Variants in MYO15B observed in about 807,000 individuals in gnomAD.
The protein encoded by MYO15B is myosin XVB.
In MYO15B, 207 loss-of-function variants were observed where a neutral mutation model predicts 119.3. That is an observed-to-expected ratio of 1.73 (90% CI 1.55 to 1.95). MYO15B has a LOEUF of 1.95. Ranked by LOEUF, MYO15B falls within the 30% of genes most tolerant of loss-of-function variation. The pLI, the probability that MYO15B is intolerant of heterozygous loss-of-function variation, is 0.00. For missense variants in MYO15B, 2,264 were observed against 1,203.1 expected, an observed-to-expected ratio of 1.88 and a Z score of -13.04; for synonymous variants, 966 against 498.9, an observed-to-expected ratio of 1.94 and a Z score of -12.48.
chr17:75,596,477 C>T lies in MYO15B; in HGVS notation c.3315C>T (p.Gly1105=), dbSNP rs144424300. ...GCCCCCAGGCCCTGCGGGTGAATGG[C>T]CTGGAGCAACTGTGCAACAACCTCG... is the stretch of plus-strand genomic sequence containing the variant. The change falls in exon 13 of 64, where the codon GGC becomes GGT. Residue 1105 remains glycine, a synonymous_variant. Coordinates refer to ENST00000645453, the Ensembl canonical transcript of MYO15B. The T allele has an allele frequency of 5.7e-6, 4 of 701,300 alleles. No individual in the cohort carries two copies. In the East Asian group the frequency reaches 8.0e-5, roughly 14 times the overall value. 43.4% of individuals were successfully genotyped at this position (701,300 alleles called of 1,614,324 possible).
intron 9 of MYO15B, among the ~76,000 whole-genome samples, chr17:75,593,425 C>T (rs1311967111): frequency 6.6e-6 from 1 of 152,032 alleles, no homozygotes. Flanking sequence ...TGCTGAAACC[C>T]TGTCTCTACT....
intron 6 of MYO15B, 41 bp downstream of exon 6, chr17:75,592,121 C>T (rs1435672448): frequency 5.7e-6 from 4 of 702,272 alleles, no homozygotes; most frequent in Admixed American, 4.0e-5. Context: ...AATCACTTAC[C>T]CTTCCTGGGT....
At chr17:75,613,329 G>A (rs903850604) in exon 28 of MYO15B, 44 of 675,010 alleles carry the variant, frequency 6.5e-5, no homozygotes, top group Non-Finnish European at 1.0e-4. Context: ...GCATGGCAGC[G>A]CTGTGCCAGC....
chr17:75,601,489 C>T (rs1272916104), exon 15 of MYO15B: 2 of 703,124 alleles, frequency 2.8e-6, no homozygotes. Context: ...TGGTGACCAC[C>T]CCAGCTATGC....
In MYO15B at chr17:75,589,661, A is replaced by G. The variant is rs942813553; in HGVS notation, c.1604A>G (p.Glu535Gly). The G allele has an allele frequency of 5.0e-6, 2 of 398,816 alleles. No homozygotes were observed. Among genetic ancestry groups the G allele is most frequent in the African/African-American group, 4.1e-5 (2 of 48,624 alleles). The allele number at this position is 398,816 out of a possible 1,614,324, so 24.7% of individuals were successfully genotyped here. ...GTCCCCGGCGACCCTTTTGATCAGGAGGACGAGACTCCAGATCCCAAGTTC... is the reference window on the plus strand; with the variant it reads ...GTCCCCGGCGACCCTTTTGATCAGGGGGACGAGACTCCAGATCCCAAGTTC... Residue 535 changes from glutamate (E) to glycine (G), a missense_variant, in exon 1 of 64, where the codon GAG (glutamate) becomes GGG (glycine). Transcript: ENST00000645453. The surrounding 1 kb of genome is among the most constrained non-coding windows in gnomAD (Gnocchi z 4.2).
intron 60 of MYO15B, 134 bp downstream of exon 60, chr17:75,625,372 C>T (rs2058979617): frequency 3.1e-6 from 2 of 642,178 alleles, no homozygotes; most frequent in Admixed American, 2.2e-5. Context: ...CTCTCCACCC[C>T]ACCCCGAGCT....
At chr17:75,597,931 A>T (rs1269019493) in intron 14 of MYO15B, among the ~76,000 whole-genome samples, 1 of 151,654 alleles carries the variant, frequency 6.6e-6, no homozygotes, top group Non-Finnish European at 1.5e-5. Flanking sequence ...AATTAATTAT[A>T]AAAAAACAAA....
At chr17:75,624,440 C>G (rs753030624) in exon 57 of MYO15B, 5 of 702,730 alleles carry the variant, frequency 7.1e-6, no homozygotes, top group Non-Finnish European at 1.0e-5. Flanking sequence ...AATATCCAGA[C>G]TTTCACAGTG....
At chr17:75,607,016 G>A in intron 21 of MYO15B, 1 of 398,522 alleles carries the variant, frequency 2.5e-6, no homozygotes, top group Non-Finnish European at 4.4e-6. Flanking sequence ...GACAGAGCTG[G>A]GGATGCCAGA....
Position 75,613,223 on chromosome 17 carries a change from GAGGTGGGGACCTGGC to G in MYO15B, c.4967+23_4967+37del. The G allele has an allele frequency of 1.5e-6, 1 of 684,626 alleles. No individual in the cohort carries two copies. Among genetic ancestry groups the G allele is most frequent in the Non-Finnish European group, 2.7e-6 (1 of 370,724 alleles). 42.4% of individuals were successfully genotyped at this position (684,626 alleles called of 1,614,324 possible). Reference sequence around the variant, plus strand: ...GCCACTGCTCAAGTAAGGGGCCTGGGAGGTGGGGACCTGGCAGGTGGGGTCGCTGGATCACCCTGC... The same window carrying G: ...GCCACTGCTCAAGTAAGGGGCCTGGGAGGTGGGGTCGCTGGATCACCCTGC... On this transcript the variant is annotated intron_variant, in intron 27 of 63. Coordinates refer to ENST00000645453, the Ensembl canonical transcript of MYO15B.
exon 14 of MYO15B, chr17:75,596,800 G>C: frequency 1.4e-6 from 1 of 702,278 alleles, no homozygotes; most frequent in Non-Finnish European, 2.6e-6. Flanking sequence ...TGTCCTGGGT[G>C]CCTGTCCCTC....
At chr17:75,610,819 C>T in intron 22 of MYO15B, 81 bp from the exon 23 acceptor site, 1 of 700,534 alleles carries the variant, frequency 1.4e-6, no homozygotes, top group Non-Finnish European at 2.6e-6. Flanking sequence ...CAGGAGGGGA[C>T]AGCTGAACTT....
chr17:75,609,585 CCTCAGG>C (rs2057879060), intron 21 of MYO15B, among the ~76,000 whole-genome samples: 2 of 148,318 alleles, frequency 1.3e-5, no homozygotes, highest in South Asian at 4.3e-4. Context: ...GATCTTAATC[CCTCAGG>C]CTAAACAGTC....
exon 60 of MYO15B, chr17:75,625,191 G>A (rs1568239525): frequency 1.4e-6 from 1 of 702,604 alleles, no homozygotes; most frequent in South Asian, 1.5e-5. Context: ...TCGCCAGGCT[G>A]GCCGCCCTGC....
chr17:75,620,409 G>A (rs1279251202), intron 48 of MYO15B, 52 bp downstream of exon 48: 1 of 702,798 alleles, frequency 1.4e-6, no homozygotes, highest in African/African-American at 1.7e-5. Flanking sequence ...CCACTTGGCA[G>A]AGGCTGCCCG....
Position 75,589,108 on chromosome 17 carries a change from G to T in MYO15B, c.1051G>T (p.Ala351Ser), listed in dbSNP as rs1171089828. The change falls in exon 1 of 64, where the codon GCC becomes TCC. Residue 351 changes from alanine to serine, a missense_variant. Coordinates refer to ENST00000645453, the Ensembl canonical transcript of MYO15B. This position sits in a 1 kb window ranked among gnomAD's most constrained non-coding sequence, Gnocchi z 4.2. ...GCTCCTCGCGAGGCCCCCGCCAGGCGCCGCTTCCCAGGCCGTGGGCCCCCG... is the reference window on the plus strand; with the variant it reads ...GCTCCTCGCGAGGCCCCCGCCAGGCTCCGCTTCCCAGGCCGTGGGCCCCCG... 5.1e-6 allele frequency: 2 copies of T among 392,286 alleles called. No homozygotes were observed. The highest frequency in any genetic ancestry group is 9.0e-6 in the Non-Finnish European group (2 of 222,016). 24.3% of individuals were successfully genotyped at this position (392,286 alleles called of 1,614,324 possible).
intron 21 of MYO15B, among the ~76,000 whole-genome samples, chr17:75,609,688 C>A (rs1345843624): frequency 6.8e-6 from 1 of 147,340 alleles, no homozygotes; most frequent in East Asian, 2.0e-4. Flanking sequence ...CCTTCCCTTC[C>A]TTCCTTCCTC....
At position 75,589,688 on chromosome 17, in the gene MYO15B, C is replaced by A. The variant is rs2056316540; in HGVS notation, c.1631C>A (p.Ala544Glu). 1 of 398,808 alleles carries A rather than the reference C, an allele frequency of 2.5e-6. No individual in the cohort carries two copies. Among genetic ancestry groups the A allele is most frequent in the African/African-American group, 2.1e-5 (1 of 48,744 alleles). The allele number at this position is 398,808 out of a possible 1,614,324, so 24.7% of individuals were successfully genotyped here. A position where few individuals can be genotyped will look rare whatever the true frequency, so the allele number is the denominator to read the frequency against. The change falls in exon 1 of 64, where the codon GCG becomes GAG. Residue 544 changes from alanine to glutamate, a missense_variant. Physicochemically the swap from Ala to Glu is moderately radical, Grantham distance 107. Transcript: ENST00000645453. The surrounding 1 kb of genome is among the most constrained non-coding windows in gnomAD (Gnocchi z 4.2). ...GACGAGACTCCAGATCCCAAGTTCG[C>A]GGTCGTGTTCCCCAGGATCCACAGG...
chr17:75,609,205 T>C (rs1292326008), intron 21 of MYO15B, among the ~76,000 whole-genome samples: 1 of 151,244 alleles, frequency 6.6e-6, no homozygotes, highest in Non-Finnish European at 1.5e-5. Flanking sequence ...TAAGTTCTGC[T>C]GCTCTTTTTT....
Sources: allele counts gnomAD v4.1 joint callset (sites outside exome capture counted in the v4.1 genomes callset), GRCh38; gene constraint gnomAD v4.1.1; non-coding constraint Gnocchi (gnomAD v3.1); transcripts MANE v1.5; gene names NCBI Gene and HGNC (gene_info 2026-07-23, HGNC 2026-07-21).